The following GRIA1 variants were observed in gnomAD, a reference collection of about 807,000 sequenced individuals.
GRIA1 encodes the protein glutamate ionotropic receptor AMPA type subunit 1, also known as glutamate receptor 1.
A neutral mutation model predicts 99.2 loss-of-function variants in GRIA1; 31 were observed. The observed-to-expected ratio is 0.31, with a 90% CI of 0.23 to 0.42. The LOEUF is 0.42. GRIA1 is among the 10% of genes least tolerant of loss of function. GRIA1 has a pLI of 1.00. For synonymous variants in GRIA1, 438 were observed against 432.4 expected (o/e 1.01, Z -0.16); for missense variants, 782 against 1,157.5 (o/e 0.68, Z 4.71).
At chr5:153,546,595 G>T (rs115390354) in intron 2 of GRIA1, among the ~76,000 whole-genome samples, 77 of 152,270 alleles carry the variant, frequency 5.1e-4, no homozygotes, top group African/African-American at 1.8e-3. Context: ...TGGGAAGCAG[G>T]TATGGGGAAC....
intron 13 of GRIA1, among the ~76,000 whole-genome samples, chr5:153,775,064 G>A (rs191128459): frequency 2.6e-5 from 4 of 152,316 alleles, no homozygotes; most frequent in East Asian, 3.9e-4. Context: ...TGCAGCCAAC[G>A]TCACTCACTA....
At chr5:153,743,257 A>G (rs1418799710) in intron 11 of GRIA1, among the ~76,000 whole-genome samples, 1 of 152,194 alleles carries the variant, frequency 6.6e-6, no homozygotes, top group Non-Finnish European at 1.5e-5. Flanking sequence ...ACCATACATT[A>G]GTTTTCCATT....
intron 15 of GRIA1, 140 bp downstream of exon 15, chr5:153,802,630 G>T: frequency 1.2e-6 from 1 of 844,926 alleles, no homozygotes. Flanking sequence ...GCTGTTACGA[G>T]GAAGGTGACG....
At chr5:153,683,570 G>C (rs781030753) in intron 7 of GRIA1, among the ~76,000 whole-genome samples, 1 of 152,218 alleles carries the variant, frequency 6.6e-6, no homozygotes, top group Non-Finnish European at 1.5e-5. Context: ...TGGGTCACTA[G>C]AACTGTGCAG....
At chr5:153,521,129 G>A (rs1350795633) in intron 2 of GRIA1, among the ~76,000 whole-genome samples, 1 of 152,202 alleles carries the variant, frequency 6.6e-6, no homozygotes, top group Non-Finnish European at 1.5e-5. Flanking sequence ...ACAAAAGGGA[G>A]GGCCTGGGGT....
At chr5:153,699,825 A>C (rs900403319) in intron 10 of GRIA1, among the ~76,000 whole-genome samples, 5 of 152,324 alleles carry the variant, frequency 3.3e-5, no homozygotes, top group African/African-American at 1.2e-4. Flanking sequence ...AAATTACAGC[A>C]GTTTTGAAAA....
chr5:153,803,923 ATTTAG>A (rs1205323717), intron 15 of GRIA1, among the ~76,000 whole-genome samples: 1 of 152,078 alleles, frequency 6.6e-6, no homozygotes, highest in Non-Finnish European at 1.5e-5. Context: ...GAAATTCTGT[ATTTAG>A]TTCTGTACAT....
intron 2 of GRIA1, among the ~76,000 whole-genome samples, chr5:153,516,006 G>A (rs1349047115): frequency 6.6e-6 from 1 of 152,126 alleles, no homozygotes; most frequent in African/African-American, 2.4e-5. Flanking sequence ...GGATCATGAG[G>A]TCAGGAGATT....
intron 11 of GRIA1, among the ~76,000 whole-genome samples, chr5:153,714,721 G>C (rs973341750): frequency 2.0e-5 from 3 of 152,212 alleles, no homozygotes; most frequent in African/African-American, 4.8e-5. Context: ...AACCCCTATG[G>C]GGAGCCTGAT....
intron 2 of GRIA1, among the ~76,000 whole-genome samples, chr5:153,501,865 T>C (rs1306030745): frequency 6.6e-6 from 1 of 152,212 alleles, no homozygotes; most frequent in African/African-American, 2.4e-5. Context: ...GGAGAACTGG[T>C]GAGGCTGTGT....
chr5:153,631,871 C>G (rs535059952), intron 2 of GRIA1, among the ~76,000 whole-genome samples: 1 of 151,884 alleles, frequency 6.6e-6, no homozygotes, highest in East Asian at 1.9e-4. Flanking sequence ...TAACAAGAAG[C>G]CAGCCAAGCA....
chr5:153,576,547 C>A (rs951755861), intron 2 of GRIA1, among the ~76,000 whole-genome samples: 7 of 152,156 alleles, frequency 4.6e-5, no homozygotes, highest in African/African-American at 1.4e-4. Context: ...TGTTTCCCTG[C>A]GGAGGAGTGG....
intron 13 of GRIA1, among the ~76,000 whole-genome samples, chr5:153,779,112 C>T (rs866259877): frequency 1.1e-4 from 17 of 152,248 alleles, no homozygotes; most frequent in South Asian, 6.2e-4. Context: ...GCCTTACATT[C>T]GTTTTATACC....
chr5:153,586,312 G>T (rs1763478691), intron 2 of GRIA1, among the ~76,000 whole-genome samples: 1 of 152,210 alleles, frequency 6.6e-6, no homozygotes, highest in African/African-American at 2.4e-5. Context: ...ACTGTGGAAT[G>T]AATTATGAAT....
intron 11 of GRIA1, among the ~76,000 whole-genome samples, chr5:153,738,190 C>G (rs1335285890): frequency 1.3e-5 from 2 of 152,156 alleles, no homozygotes; most frequent in African/African-American, 4.8e-5. Context: ...ATGTCATTGT[C>G]CAGGGAAGTC....
intron 2 of GRIA1, among the ~76,000 whole-genome samples, chr5:153,515,050 G>A (rs1215216576): frequency 6.6e-6 from 1 of 151,894 alleles, no homozygotes; most frequent in African/African-American, 2.4e-5. Context: ...ACAATATGAA[G>A]GTTTCTCAAA....
chr5:153,784,418 A>ATT (rs1234214869), intron 13 of GRIA1, among the ~76,000 whole-genome samples: 1 of 151,794 alleles, frequency 6.6e-6, no homozygotes, highest in Non-Finnish European at 1.5e-5. Flanking sequence ...AAAAAAATTA[A>ATT]TTTGTGTCAT....
At chr5:153,589,472 T>C (rs1422561752) in intron 2 of GRIA1, among the ~76,000 whole-genome samples, 1 of 152,182 alleles carries the variant, frequency 6.6e-6, no homozygotes, top group Non-Finnish European at 1.5e-5. Context: ...GAATTTGCAA[T>C]ATTAGATATA....
At chr5:153,523,644 C>T (rs1757354849) in intron 2 of GRIA1, among the ~76,000 whole-genome samples, 1 of 152,140 alleles carries the variant, frequency 6.6e-6, no homozygotes, top group Non-Finnish European at 1.5e-5. Context: ...CAGCCATGTT[C>T]TCGAGCTCCT....
Sources: allele counts gnomAD v4.1 joint callset (sites outside exome capture counted in the v4.1 genomes callset), GRCh38; gene constraint gnomAD v4.1.1; transcripts MANE v1.5; gene names NCBI Gene and HGNC (gene_info 2026-07-23, HGNC 2026-07-21).